Variants in ZFHX4 observed in about 807,000 individuals in gnomAD.
The protein encoded by ZFHX4 is zinc finger homeobox 4.
In ZFHX4, 56 loss-of-function variants were observed where a neutral mutation model predicts 267.6. The observed-to-expected ratio is 0.21, with a 90% CI of 0.17 to 0.26. The LOEUF (loss-of-function observed/expected upper bound fraction) is 0.26, where lower values mean the gene tolerates loss of function less well. Among genes scored for constraint, ZFHX4 ranks in the 10% least tolerant of loss-of-function variants. The probability of loss-of-function intolerance (pLI) is 1.00; values close to 1 mark genes in which losing one functional copy is unlikely to be tolerated. For missense variants in ZFHX4, 4,332 were observed against 4,420.0 expected, an observed-to-expected ratio of 0.98 and a Z score of 0.56; for synonymous variants, 1,778 against 1,665.6, an observed-to-expected ratio of 1.07 and a Z score of -1.64.
intron 3 of ZFHX4, among the ~76,000 whole-genome samples, chr8:76,744,709 A>C (rs1236311867): frequency 6.6e-6 from 1 of 152,152 alleles, no homozygotes; most frequent in Non-Finnish European, 1.5e-5. Context: ...CATCGCACCC[A>C]GCCAATATGC....
intron 1 of ZFHX4, among the ~76,000 whole-genome samples, chr8:76,692,307 C>T (rs1006518812): frequency 8.5e-5 from 13 of 152,128 alleles, no homozygotes; most frequent in Admixed American, 5.2e-4. Flanking sequence ...GTTTGAAAGT[C>T]GCTGAATTAG....
chr8:76,852,666 C>T lies in ZFHX4; in HGVS notation c.5745C>T (p.Asn1915=), dbSNP rs370682300. The T allele has an allele frequency of 1.2e-5, 19 of 1,613,850 alleles. No homozygotes were observed. In the African/African-American group the frequency reaches 2.5e-4, roughly 22 times the overall value. Reference sequence around the variant, plus strand: ...ATGCTGCCAAAGCGTTATTGGAAAACTTTGGTTTTGAACTGGTCATTCAGT... The same window carrying T: ...ATGCTGCCAAAGCGTTATTGGAAAATTTTGGTTTTGAACTGGTCATTCAGT... The part of the protein sequence containing the change: ...RGNAAKALLE[N]FGFELVIQYN... The change falls in exon 10 of 11, where the codon AAC becomes AAT. Residue 1915 remains asparagine (N), a synonymous_variant. Transcript: ENST00000651372.
At chr8:76,785,656 A>G (rs1377525854) in intron 4 of ZFHX4, among the ~76,000 whole-genome samples, 1 of 152,134 alleles carries the variant, frequency 6.6e-6, no homozygotes, top group Non-Finnish European at 1.5e-5. Flanking sequence ...AGACATTAAC[A>G]TACTTGACGG....
chr8:76,772,421 TA>T (rs1245457531), intron 3 of ZFHX4, among the ~76,000 whole-genome samples: 53 of 152,264 alleles, frequency 3.5e-4, no homozygotes, highest in African/African-American at 1.2e-3. Context: ...TAGTTAGAAC[TA>T]AATTCTGGTG....
Position 76,720,466 on chromosome 8 carries a change from T to C in ZFHX4, c.3093+12418T>C, listed in dbSNP as rs75581205. Among the ~76,000 whole-genome samples, 45 of 152,308 alleles carry C rather than the reference T, an allele frequency of 3.0e-4. No homozygotes were observed. The East Asian group carries it at 5.4e-3, about 18-fold the overall frequency. On this transcript the variant is annotated intron_variant, in intron 3 of 10. Transcript: ENST00000651372. ...TGTTGTCTATTATGGAAAATGATGCTATGAACATTTATATACAAGGTTTTG... is the reference window on the plus strand; with the variant it reads ...TGTTGTCTATTATGGAAAATGATGCCATGAACATTTATATACAAGGTTTTG...
chr8:76,796,432 T>A (rs1810981744), intron 4 of ZFHX4, among the ~76,000 whole-genome samples: 1 of 152,192 alleles, frequency 6.6e-6, no homozygotes, highest in African/African-American at 2.4e-5. Context: ...CAATAAAATC[T>A]ATATTTTGAT....
chr8:76,857,609 G>C (rs961244510), intron 10 of ZFHX4, among the ~76,000 whole-genome samples: 2 of 151,908 alleles, frequency 1.3e-5, no homozygotes, highest in African/African-American at 4.8e-5. Flanking sequence ...GAGTCAGCTG[G>C]TTTTTGAGAG....
At chr8:76,726,864 A>T (rs1379251824) in intron 3 of ZFHX4, among the ~76,000 whole-genome samples, 1 of 152,212 alleles carries the variant, frequency 6.6e-6, no homozygotes, top group African/African-American at 2.4e-5. Flanking sequence ...GTAAGGACAG[A>T]TAAGTTGGGC....
intron 3 of ZFHX4, among the ~76,000 whole-genome samples, chr8:76,740,269 A>T (rs1045121496): frequency 3.3e-5 from 5 of 151,940 alleles, no homozygotes; most frequent in African/African-American, 1.2e-4. Flanking sequence ...AAGGAAGAAC[A>T]AAAAGGAAGG....
intron 3 of ZFHX4, among the ~76,000 whole-genome samples, chr8:76,713,335 G>C (rs1460554839): frequency 6.6e-6 from 1 of 151,766 alleles, no homozygotes; most frequent in Admixed American, 6.6e-5. Context: ...CAGATAGATA[G>C]ATATCAATCC....
intron 3 of ZFHX4, among the ~76,000 whole-genome samples, chr8:76,717,160 G>A (rs1563481246): frequency 1.3e-5 from 2 of 151,946 alleles, no homozygotes; most frequent in African/African-American, 4.8e-5. Context: ...CTACTTCTTA[G>A]GATTTAAAAA....
chr8:76,848,881 C>T (rs903095705), intron 6 of ZFHX4, 114 bp from the exon 7 acceptor site: 91 of 995,256 alleles, frequency 9.1e-5, no homozygotes, highest in South Asian at 4.5e-4. Context: ...AAATGCTTGT[C>T]GGTTCTTTTT....
At chr8:76,697,782 T>A (rs1807997514) in intron 1 of ZFHX4, among the ~76,000 whole-genome samples, 1 of 152,078 alleles carries the variant, frequency 6.6e-6, no homozygotes, top group South Asian at 2.1e-4. Context: ...AGTACCTGAT[T>A]GATTTATGGA....
rs1363993727 is a variant in ZFHX4 at position 76,864,609 on chromosome 8, A to C, written c.*44A>C. The C allele has an allele frequency of 7.8e-7, 1 of 1,281,260 alleles. No homozygotes were observed. The highest frequency in any genetic ancestry group is 1.0e-6 in the Non-Finnish European group (1 of 992,932). The allele number at this position is 1,281,260 out of a possible 1,614,324, so 79.4% of individuals were successfully genotyped here. A position where few individuals can be genotyped will look rare whatever the true frequency, so the allele number is the denominator to read the frequency against. On this transcript the variant is annotated 3_prime_UTR_variant, in exon 11 of 11. Coordinates refer to ENST00000651372, the MANE Select transcript of ZFHX4 (RefSeq NM_024721.5). ...GTGCTTAAAAAAATAAAAAATAAAAAAATAAAAAAAAAATAAGACTTTAAC... is the reference window on the plus strand; with the variant it reads ...GTGCTTAAAAAAATAAAAAATAAAACAATAAAAAAAAAATAAGACTTTAAC...
chr8:76,683,546 C>T (rs975579379), intron 1 of ZFHX4, among the ~76,000 whole-genome samples: 15 of 151,112 alleles, frequency 9.9e-5, no homozygotes, highest in Non-Finnish European at 2.1e-4. Flanking sequence ...CTCCTTGAGT[C>T]TCCCCCCCAC....
intron 3 of ZFHX4, among the ~76,000 whole-genome samples, chr8:76,748,807 A>T (rs1039475835): frequency 6.6e-6 from 1 of 152,136 alleles, no homozygotes; most frequent in Admixed American, 6.6e-5. Flanking sequence ...CCTGCCTGCT[A>T]TGTACAAGGC....
chr8:76,791,073 A>G (rs1450328838), intron 4 of ZFHX4, among the ~76,000 whole-genome samples: 2 of 152,212 alleles, frequency 1.3e-5, no homozygotes, highest in Non-Finnish European at 1.5e-5. Flanking sequence ...TTTGCTACAA[A>G]AAAGACAAGT....
At chr8:76,850,095 G>T (rs912602540) in intron 8 of ZFHX4, 150 bp from the exon 9 acceptor site, 9 of 627,828 alleles carry the variant, frequency 1.4e-5, no homozygotes, top group Non-Finnish European at 2.5e-5. Flanking sequence ...AAGTGGCAAG[G>T]TGTGGCATTG....
At chr8:76,748,175 A>G (rs1165291360) in intron 3 of ZFHX4, among the ~76,000 whole-genome samples, 1 of 152,078 alleles carries the variant, frequency 6.6e-6, no homozygotes, top group Non-Finnish European at 1.5e-5. Context: ...CCATTTTCAT[A>G]TGGATGACTC....
Sources: allele counts gnomAD v4.1 joint callset (sites outside exome capture counted in the v4.1 genomes callset), GRCh38; gene constraint gnomAD v4.1.1; transcripts MANE v1.5; gene names NCBI Gene and HGNC (gene_info 2026-07-23, HGNC 2026-07-21).